The following SLC2A9 variants were observed in gnomAD, a reference collection of about 807,000 sequenced individuals.
The protein encoded by SLC2A9 is solute carrier family 2, facilitated glucose transporter member 9.
Under a neutral mutation model 50.6 loss-of-function variants are expected in SLC2A9, and 39 were observed. That is an observed-to-expected ratio of 0.77 (90% confidence interval 0.60 to 1.01). The LOEUF (loss-of-function observed/expected upper bound fraction) is 1.01. SLC2A9 is among the 50% of genes least tolerant of loss of function. The pLI is 0.00. For missense variants in SLC2A9, 686 were observed against 677.6 expected, an observed-to-expected ratio of 1.01 and a Z score of -0.14; for synonymous variants, 324 against 276.9, an observed-to-expected ratio of 1.17 and a Z score of -1.69.
In SLC2A9 at chr4:9,792,390, G is replaced by A. The variant is rs148071147; in HGVS notation, n.386-12325C>T. Among the ~76,000 whole-genome samples, 49 of 148,818 alleles carry A rather than the reference G, an allele frequency of 3.3e-4. No individual in the cohort carries two copies. The East Asian group carries it at 5.9e-3, about 18-fold the overall frequency. On this transcript the variant is annotated intron_variant and non_coding_transcript_variant, in intron 3 of 3. Transcript: ENST00000503803. ...TTTATTAGAGACAAGATTGCACTACGTCACCCAGGTTGGTCTCAAACTCCT... is the reference window on the plus strand; with the variant it reads ...TTTATTAGAGACAAGATTGCACTACATCACCCAGGTTGGTCTCAAACTCCT...
intron 10 of SLC2A9, among the ~76,000 whole-genome samples, chr4:9,835,807 C>A (rs1349902102): frequency 6.6e-6 from 1 of 152,074 alleles, no homozygotes; most frequent in Non-Finnish European, 1.5e-5. Flanking sequence ...ACAACTGGGG[C>A]CAGGCGCGGT....
chr4:9,848,566 T>A (rs991015095), intron 10 of SLC2A9, among the ~76,000 whole-genome samples: 1 of 152,190 alleles, frequency 6.6e-6, no homozygotes, highest in Non-Finnish European at 1.5e-5. Flanking sequence ...GCATCTTGTC[T>A]CTTTTTCTCC....
intron 3 of SLC2A9, among the ~76,000 whole-genome samples, chr4:9,988,701 A>C (rs776313234): frequency 3.9e-5 from 6 of 152,192 alleles, no homozygotes; most frequent in Admixed American, 2.6e-4. Context: ...CTTCTCCAAT[A>C]GTGTAGAATC....
chr4:9,945,499 C>G (rs910817750), intron 5 of SLC2A9, among the ~76,000 whole-genome samples: 1 of 152,196 alleles, frequency 6.6e-6, no homozygotes, highest in Non-Finnish European at 1.5e-5. Flanking sequence ...CTCCACTATA[C>G]AGAAATATTA....
chr4:9,775,666 C>T (rs1408919356), downstream of SLC2A9, among the ~76,000 whole-genome samples: 1 of 152,084 alleles, frequency 6.6e-6, no homozygotes, highest in Non-Finnish European at 1.5e-5. Flanking sequence ...TTGCTTGTTC[C>T]TGTTTTGGCC....
At chr4:9,937,616 G>T (rs1747326263) in intron 6 of SLC2A9, among the ~76,000 whole-genome samples, 1 of 152,046 alleles carries the variant, frequency 6.6e-6, no homozygotes, top group South Asian at 2.1e-4. Flanking sequence ...CCTCTGCCCG[G>T]TTTAGGAGAT....
At chr4:9,943,820 G>A (rs1048568343) in intron 5 of SLC2A9, among the ~76,000 whole-genome samples, 1 of 152,042 alleles carries the variant, frequency 6.6e-6, no homozygotes, top group Non-Finnish European at 1.5e-5. Flanking sequence ...AAAACACGAG[G>A]GAACCAACCC....
At chr4:9,998,595 C>A (rs938933559) in intron 2 of SLC2A9, among the ~76,000 whole-genome samples, 11 of 152,266 alleles carry the variant, frequency 7.2e-5, no homozygotes, top group African/African-American at 2.6e-4. Flanking sequence ...TTGGCATCAG[C>A]TAGTCAAATG....
chr4:10,025,860 C>T, upstream of SLC2A9: 1 of 1,595,880 alleles, frequency 6.3e-7, no homozygotes, highest in Non-Finnish European at 8.6e-7. Context: ...CCCTGGGTGA[C>T]CGGAATAATC....
chr4:9,860,539 C>A (rs937137074), intron 10 of SLC2A9, among the ~76,000 whole-genome samples: 2 of 152,244 alleles, frequency 1.3e-5, no homozygotes, highest in Admixed American at 6.5e-5. Flanking sequence ...TGAAACCCTG[C>A]CTTCCCCAGG....
upstream of SLC2A9, among the ~76,000 whole-genome samples, chr4:10,021,904 A>G (rs1373840578): frequency 6.6e-6 from 1 of 150,908 alleles, no homozygotes; most frequent in South Asian, 2.1e-4. Flanking sequence ...CACTGATGCA[A>G]TCTCTGCTCA....
chr4:10,027,923 G>C (rs1454861179), intron 1 of SLC2A9, among the ~76,000 whole-genome samples: 1 of 152,080 alleles, frequency 6.6e-6, no homozygotes, highest in Non-Finnish European at 1.5e-5. Context: ...GCTGATCTAC[G>C]GAACACCAGG....
downstream of SLC2A9, among the ~76,000 whole-genome samples, chr4:9,797,156 C>G (rs1394731222): frequency 6.6e-6 from 1 of 152,172 alleles, no homozygotes; most frequent in Non-Finnish European, 1.5e-5. Flanking sequence ...GCTCTCTGCT[C>G]TCAAGGGTGC....
At chr4:9,909,953 G>A (rs1461275520) in intron 7 of SLC2A9, among the ~76,000 whole-genome samples, 1 of 152,196 alleles carries the variant, frequency 6.6e-6, no homozygotes, top group Admixed American at 6.5e-5. Context: ...TGAAGCTCTT[G>A]TTTCTATAGA....
intron 10 of SLC2A9, among the ~76,000 whole-genome samples, chr4:9,858,180 G>C (rs908647214): frequency 1.3e-5 from 2 of 152,214 alleles, no homozygotes; most frequent in Non-Finnish European, 2.9e-5. Flanking sequence ...GAAGCACTGA[G>C]TAGAAAGAGG....
chr4:9,885,728 G>A (rs1321262575), intron 10 of SLC2A9, among the ~76,000 whole-genome samples: 2 of 152,210 alleles, frequency 1.3e-5, no homozygotes, highest in Non-Finnish European at 2.9e-5. Flanking sequence ...GCCTGGAGGA[G>A]ACACACATTA....
Position 9,974,241 on chromosome 4 carries a change from C to T in SLC2A9, c.681+6351G>A, listed in dbSNP as rs552332889. Among the ~76,000 whole-genome samples, 10 of 152,288 alleles carry T rather than the reference C, an allele frequency of 6.6e-5. No homozygotes were observed. The South Asian group carries it at 1.9e-3, about 28-fold the overall frequency. ...GAACTGAAACAAGACAAGGTGCCCACTCTCACCACTCCTATTCAGCATAGC... is the reference window on the plus strand; with the variant it reads ...GAACTGAAACAAGACAAGGTGCCCATTCTCACCACTCCTATTCAGCATAGC... On this transcript the variant is annotated intron_variant, in intron 5 of 11. Transcript: ENST00000264784.
intron 8 of SLC2A9, among the ~76,000 whole-genome samples, chr4:9,898,142 C>G (rs1002494819): frequency 5.3e-5 from 8 of 152,130 alleles, no homozygotes; most frequent in African/African-American, 9.7e-5. Flanking sequence ...GTTGTTTAAG[C>G]CACGTAGTTT....
Position 9,954,626 on chromosome 4 carries a change from A to C in SLC2A9, c.682-12581T>G, listed in dbSNP as rs1750889979. ...GCCCTGGGTGAGTGGGTGTCTACAGACTCTACAGACCCAAATGTTCCCTTG... is the reference window on the plus strand; with the variant it reads ...GCCCTGGGTGAGTGGGTGTCTACAGCCTCTACAGACCCAAATGTTCCCTTG... On this transcript the variant is annotated intron_variant, in intron 5 of 11. Transcript: ENST00000264784. 2.6e-5 allele frequency among the ~76,000 whole-genome samples: 4 copies of C among 151,840 alleles called. No individual in the cohort carries two copies. The South Asian group carries it at 8.3e-4, about 32-fold the overall frequency.
Sources: gnomAD v4.1 joint callset for allele counts (sites outside exome capture counted in the v4.1 genomes callset) on GRCh38, gnomAD v4.1.1 for gene constraint, MANE v1.5 for transcripts, NCBI Gene and HGNC (gene_info 2026-07-23, HGNC 2026-07-21) for gene names.